The following CD38 variants were observed in gnomAD, a reference collection of about 807,000 sequenced individuals.
CD38 encodes the protein CD38 molecule.
In CD38, 31 loss-of-function variants were observed where a neutral mutation model predicts 36.3. That is an observed-to-expected ratio of 0.85 (90% CI 0.64 to 1.15). The LOEUF (loss-of-function observed/expected upper bound fraction) is 1.15. Among genes scored for constraint, CD38 ranks in the 50% most tolerant of loss-of-function variants. The probability of loss-of-function intolerance (pLI) is 0.00; values close to 1 mark genes in which losing one functional copy is unlikely to be tolerated. For missense variants in CD38, 380 were observed against 371.9 expected, an observed-to-expected ratio of 1.02 and a Z score of -0.18; for synonymous variants, 131 against 135.2, an observed-to-expected ratio of 0.97 and a Z score of 0.22.
rs1724373216 is a variant in CD38 at position 15,851,087 on chromosome 4, C to G, written c.*2485C>G. On this transcript the variant is annotated 3_prime_UTR_variant, in exon 8 of 8. Coordinates refer to ENST00000226279, the MANE Select transcript of CD38 (RefSeq NM_001775.4). ...TGGAGACCTTAGGGGAGGGTGGTCACAAGGATTTTGCACAGTGCTTTAGAG... is the reference window on the plus strand; with the variant it reads ...TGGAGACCTTAGGGGAGGGTGGTCAGAAGGATTTTGCACAGTGCTTTAGAG... 1 of 152,172 alleles carries G rather than the reference C, an allele frequency of 6.6e-6. No individual in the cohort carries two copies. The highest frequency in any genetic ancestry group is 2.1e-4 in the South Asian group (1 of 4,836). The allele number at this position is 152,172 out of a possible 1,614,324, so 9.4% of individuals were successfully genotyped here.
intron 7 of CD38, among the ~76,000 whole-genome samples, chr4:15,841,242 G>A (rs150674816): frequency 0.013 from 1,983 of 152,224 alleles, 41 homozygotes; most frequent in African/African-American, 0.045. Context: ...ATTTTTCCAC[G>A]TATAATAGCT....
chr4:15,803,524 C>T (rs1252191290), intron 1 of CD38, among the ~76,000 whole-genome samples: 3 of 152,110 alleles, frequency 2.0e-5, no homozygotes, highest in Non-Finnish European at 2.9e-5. Context: ...TGAAACAGTG[C>T]TCTATGTGAC....
At chr4:15,814,805 GTTTTTTGTTTTTTT>G (rs1723548873) in intron 1 of CD38, among the ~76,000 whole-genome samples, 1 of 147,598 alleles carries the variant, frequency 6.8e-6, no homozygotes. Flanking sequence ...TTTGTTTTTT[GTTTTTTGTTTTTTT>G]TTTTTGAGAT....
chr4:15,818,006 T>C (rs544934357), intron 2 of CD38, among the ~76,000 whole-genome samples: 56 of 152,118 alleles, frequency 3.7e-4, no homozygotes, highest in Admixed American at 1.1e-3. Context: ...GAGACAGAAC[T>C]GTTCACTCCC....
intron 3 of CD38, among the ~76,000 whole-genome samples, chr4:15,833,329 G>A (rs1232839589): frequency 1.3e-5 from 2 of 152,180 alleles, no homozygotes; most frequent in African/African-American, 4.8e-5. Context: ...TCAGTTAGTA[G>A]GTGATGAATT....
chr4:15,790,877 G>C (rs1249533498), intron 1 of CD38, among the ~76,000 whole-genome samples: 1 of 149,398 alleles, frequency 6.7e-6, no homozygotes, highest in Non-Finnish European at 1.5e-5. Flanking sequence ...AACCCTGTCT[G>C]GGAGGTGAGG....
At chr4:15,823,430 A>G (rs1461716134) in intron 2 of CD38, among the ~76,000 whole-genome samples, 1 of 152,240 alleles carries the variant, frequency 6.6e-6, no homozygotes, top group Admixed American at 6.5e-5. Flanking sequence ...TCCCTCTGAC[A>G]AAGGTCTAAT....
intron 1 of CD38, among the ~76,000 whole-genome samples, chr4:15,788,078 C>T (rs1365242384): frequency 6.6e-6 from 1 of 152,218 alleles, no homozygotes; most frequent in East Asian, 1.9e-4. Flanking sequence ...AAAAGGTCTT[C>T]TTCTTTCCCT....
intron 2 of CD38, among the ~76,000 whole-genome samples, chr4:15,818,201 G>A (rs773569165): frequency 1.3e-5 from 2 of 152,132 alleles, no homozygotes; most frequent in Non-Finnish European, 2.9e-5. Flanking sequence ...GGCTTTAATA[G>A]GCGGTTTTCC....
intron 1 of CD38, among the ~76,000 whole-genome samples, chr4:15,809,641 G>A (rs1177555882): frequency 1.3e-5 from 2 of 152,112 alleles, no homozygotes; most frequent in Admixed American, 6.6e-5. Context: ...GGTTTAGGAA[G>A]GAGCAAATCA....
At chr4:15,824,047 A>G (rs1051475314) in intron 2 of CD38, among the ~76,000 whole-genome samples, 12 of 152,186 alleles carry the variant, frequency 7.9e-5, no homozygotes, top group African/African-American at 2.9e-4. Flanking sequence ...AAACTAACAC[A>G]GGAACATGCA....
At chr4:15,820,039 T>G (rs1482590544) in intron 2 of CD38, among the ~76,000 whole-genome samples, 1 of 152,170 alleles carries the variant, frequency 6.6e-6, no homozygotes, top group East Asian at 1.9e-4. Context: ...GGGGCCAATA[T>G]TCAACATTCT....
intron 3 of CD38, among the ~76,000 whole-genome samples, chr4:15,829,811 T>C (rs963257459): frequency 4.7e-4 from 71 of 152,334 alleles, no homozygotes; most frequent in African/African-American, 1.6e-3. Flanking sequence ...TTTTGATTTG[T>C]TGGATGCTAA....
chr4:15,784,444 G>A (rs966103571), intron 1 of CD38, among the ~76,000 whole-genome samples: 3 of 152,172 alleles, frequency 2.0e-5, no homozygotes, highest in Non-Finnish European at 4.4e-5. Context: ...CCAATTGATT[G>A]ACTAAACCCT....
intron 1 of CD38, among the ~76,000 whole-genome samples, chr4:15,805,582 C>T (rs920885908): frequency 1.1e-4 from 16 of 152,126 alleles, no homozygotes; most frequent in African/African-American, 3.9e-4. Flanking sequence ...ATGTAAACTC[C>T]TAGAAGAACA....
intron 1 of CD38, among the ~76,000 whole-genome samples, chr4:15,801,839 G>C (rs985762535): frequency 6.6e-6 from 1 of 152,054 alleles, no homozygotes; most frequent in African/African-American, 2.4e-5. Flanking sequence ...AGCTAATATT[G>C]TACCAAACAG....
intron 3 of CD38, among the ~76,000 whole-genome samples, chr4:15,830,530 C>A (rs979752476): frequency 1.3e-5 from 2 of 152,120 alleles, no homozygotes; most frequent in African/African-American, 2.4e-5. Flanking sequence ...TATTTTCTCC[C>A]ATTCTGTGGG....
rs140802231 is a variant in CD38 at position 15,817,708 on chromosome 4, G to A, written c.363+1068G>A. On this transcript the variant is annotated intron_variant, in intron 2 of 7. Transcript: ENST00000226279. ...GATGCTGGGCTTCAATAAGGGCTGG[G>A]ATTTTAGGGCCCATACTTTAAACCA... is the stretch of plus-strand genomic sequence containing the variant. 1.9e-3 allele frequency among the ~76,000 whole-genome samples: 285 copies of A among 152,290 alleles called. 2 individuals are homozygous for A. The highest frequency in any genetic ancestry group is 6.4e-3 in the African/African-American group (268 of 41,564).
chr4:15,827,069 C>T lies in CD38; in HGVS notation c.499+2053C>T, dbSNP rs116897760. Among the ~76,000 whole-genome samples the T allele has an allele frequency of 7.3e-4, 111 of 152,276 alleles. 1 individual carries two copies. The East Asian group carries it at 0.02, about 27-fold the overall frequency. On this transcript the variant is annotated intron_variant, in intron 3 of 7. Coordinates refer to ENST00000226279, the MANE Select transcript of CD38 (RefSeq NM_001775.4). Reference sequence around the variant, plus strand: ...CAAAGTGCCAGTGTTCCATGTGCTACGTAAGTAGTCACTCATTTAATCCTC... The same window carrying T: ...CAAAGTGCCAGTGTTCCATGTGCTATGTAAGTAGTCACTCATTTAATCCTC...
Sources: gnomAD v4.1 joint callset for allele counts (sites outside exome capture counted in the v4.1 genomes callset) on GRCh38, gnomAD v4.1.1 for gene constraint, MANE v1.5 for transcripts, NCBI Gene and HGNC (gene_info 2026-07-23, HGNC 2026-07-21) for gene names.